KCNQ5: variants seen among roughly 807,000 people sequenced by gnomAD.
The protein encoded by KCNQ5 is potassium voltage-gated channel subfamily Q member 5, also known as potassium voltage-gated channel subfamily KQT member 5.
In KCNQ5, 30 loss-of-function variants were observed where a neutral mutation model predicts 98.2. The observed-to-expected ratio is 0.31, with a 90% CI of 0.23 to 0.41. The LOEUF is 0.41. Ranked by LOEUF, KCNQ5 falls within the 10% of genes least tolerant of loss-of-function variation. KCNQ5 has a pLI of 1.00. For synonymous variants in KCNQ5, 458 were observed against 449.4 expected (o/e 1.02, Z -0.24); for missense variants, 835 against 1,182.5 (o/e 0.71, Z 4.31).
chr6:72,920,524 C>T (rs966979757), intron 1 of KCNQ5, among the ~76,000 whole-genome samples: 1 of 152,140 alleles, frequency 6.6e-6, no homozygotes, highest in African/African-American at 2.4e-5. Flanking sequence ...AATAGGTGGC[C>T]ATTAAAGCCT....
intron 1 of KCNQ5, among the ~76,000 whole-genome samples, chr6:72,958,098 A>G (rs1244497064): frequency 1.3e-5 from 2 of 152,042 alleles, no homozygotes; most frequent in South Asian, 2.1e-4. Flanking sequence ...TCTTTTTATG[A>G]ATGAAAGGCA....
At chr6:72,628,219 C>G (rs1261426886) in intron 1 of KCNQ5, among the ~76,000 whole-genome samples, 1 of 152,180 alleles carries the variant, frequency 6.6e-6, no homozygotes, top group Non-Finnish European at 1.5e-5. Context: ...GAAAGAACTA[C>G]CAAGTCTTTT....
At chr6:72,660,746 G>A (rs1007656663) in intron 1 of KCNQ5, among the ~76,000 whole-genome samples, 20 of 152,114 alleles carry the variant, frequency 1.3e-4, no homozygotes, top group East Asian at 9.6e-4. Context: ...CAATAAGTGA[G>A]TATAAGTAAT....
At chr6:72,726,940 C>T (rs1038452297) in intron 1 of KCNQ5, among the ~76,000 whole-genome samples, 2 of 152,180 alleles carry the variant, frequency 1.3e-5, no homozygotes, top group Admixed American at 1.3e-4. Context: ...CTCCTAGGCT[C>T]AAGCAATCTT....
intron 1 of KCNQ5, among the ~76,000 whole-genome samples, chr6:72,746,053 G>A (rs934680722): frequency 3.3e-4 from 33 of 99,094 alleles, no homozygotes; most frequent in African/African-American, 1.3e-3. Context: ...TATCCGCAAA[G>A]ACTCTATTTG....
chr6:72,871,049 G>A (rs550487453), intron 1 of KCNQ5, among the ~76,000 whole-genome samples: 13 of 152,250 alleles, frequency 8.5e-5, no homozygotes, highest in African/African-American at 1.9e-4. Context: ...TCCAGGATTG[G>A]AGTGACTGAT....
intron 1 of KCNQ5, among the ~76,000 whole-genome samples, chr6:72,650,593 T>G (rs1765825531): frequency 6.6e-6 from 1 of 152,176 alleles, no homozygotes; most frequent in Admixed American, 6.6e-5. Flanking sequence ...AGCGAAACTA[T>G]TTTAAATGCA....
intron 11 of KCNQ5, among the ~76,000 whole-genome samples, chr6:73,182,305 C>T (rs973862104): frequency 2.0e-5 from 3 of 152,196 alleles, no homozygotes; most frequent in African/African-American, 7.2e-5. Flanking sequence ...CAGCAAAGAC[C>T]ATACAACCCA....
intron 11 of KCNQ5, among the ~76,000 whole-genome samples, chr6:73,184,091 T>G (rs1182378958): frequency 2.0e-5 from 3 of 152,222 alleles, no homozygotes; most frequent in Admixed American, 6.5e-5. Context: ...AGTTTTGTTT[T>G]GCTATTAGGT....
chr6:73,074,118 A>G (rs1773415678), intron 3 of KCNQ5, among the ~76,000 whole-genome samples: 1 of 152,212 alleles, frequency 6.6e-6, no homozygotes, highest in African/African-American at 2.4e-5. Flanking sequence ...AGTGCCTACT[A>G]TATTTCAGGC....
rs182857684 is a variant in KCNQ5 at position 72,954,094 on chromosome 6, C to T, written c.399-49814C>T. Among the ~76,000 whole-genome samples the T allele has an allele frequency of 5.3e-5, 8 of 152,278 alleles. No homozygotes were observed. In the South Asian group the frequency reaches 1.2e-3, roughly 24 times the overall value. The stretch of plus-strand genomic sequence containing the variant: ...TCTTTGGCAGACCTCAGCACAACCA[C>T]GTAAGAATATGTCTATGTCTTTGAG... On this transcript the variant is annotated intron_variant, in intron 1 of 13. Coordinates refer to ENST00000370398, the MANE Select transcript of KCNQ5 (RefSeq NM_019842.4).
At position 73,178,985 on chromosome 6, in the gene KCNQ5, G is replaced by A. The variant is rs565542397; in HGVS notation, c.1577+9131G>A. Reference sequence around the variant, plus strand: ...CTGGATTTGTCCCGTGATCAATTTCGAGTGAGGGCTGCCTCAGGGGAAATT... The same window carrying A: ...CTGGATTTGTCCCGTGATCAATTTCAAGTGAGGGCTGCCTCAGGGGAAATT... On this transcript the variant is annotated intron_variant, in intron 11 of 13. Coordinates refer to ENST00000370398, the MANE Select transcript of KCNQ5 (RefSeq NM_019842.4). Among the ~76,000 whole-genome samples, 50 of 152,268 alleles carry A rather than the reference G, an allele frequency of 3.3e-4. 2 individuals are homozygous for A. The South Asian group carries it at 8.9e-3, about 27-fold the overall frequency.
At chr6:72,937,190 T>C (rs1456833044) in intron 1 of KCNQ5, among the ~76,000 whole-genome samples, 1 of 152,220 alleles carries the variant, frequency 6.6e-6, no homozygotes, top group Non-Finnish European at 1.5e-5. Context: ...AGAGATGCTT[T>C]AAAATTCTTT....
chr6:72,784,130 A>G (rs1352009337), intron 1 of KCNQ5, among the ~76,000 whole-genome samples: 1 of 152,152 alleles, frequency 6.6e-6, no homozygotes, highest in African/African-American at 2.4e-5. Context: ...CTTCTGGCCA[A>G]GGGTCGGGTA....
chr6:73,092,089 T>G (rs1054579433), intron 5 of KCNQ5, among the ~76,000 whole-genome samples: 17 of 150,502 alleles, frequency 1.1e-4, no homozygotes, highest in African/African-American at 4.0e-4. Context: ...ATTTTTTTTT[T>G]GTTTGTTTGT....
At chr6:72,855,392 G>A (rs770428910) in intron 1 of KCNQ5, among the ~76,000 whole-genome samples, 4 of 151,758 alleles carry the variant, frequency 2.6e-5, no homozygotes, top group Non-Finnish European at 4.4e-5. Context: ...AAAATAAATG[G>A]CAATACAAAT....
intron 1 of KCNQ5, among the ~76,000 whole-genome samples, chr6:72,774,490 A>G (rs1773065198): frequency 6.6e-6 from 1 of 152,172 alleles, no homozygotes; most frequent in Admixed American, 6.6e-5. Flanking sequence ...AGATTACATT[A>G]ACATTTAAAA....
chr6:72,773,717 A>AT (rs576471765), intron 1 of KCNQ5, among the ~76,000 whole-genome samples: 43 of 151,964 alleles, frequency 2.8e-4, no homozygotes, highest in African/African-American at 9.7e-4. Context: ...GAAAACATAT[A>AT]TTTTTTTAAA....
intron 3 of KCNQ5, among the ~76,000 whole-genome samples, chr6:73,067,933 C>G (rs80341722): frequency 2.7e-5 from 4 of 150,330 alleles, no homozygotes; most frequent in Admixed American, 1.3e-4. Flanking sequence ...AATCTTACCA[C>G]CTAAAGATAA....
Sources: allele counts gnomAD v4.1 joint callset (sites outside exome capture counted in the v4.1 genomes callset), GRCh38; gene constraint gnomAD v4.1.1; transcripts MANE v1.5; gene names NCBI Gene and HGNC (gene_info 2026-07-23, HGNC 2026-07-21).